CCDC60: variants seen among roughly 807,000 people sequenced by gnomAD.
CCDC60 encodes the protein coiled-coil domain containing 60, also known as coiled-coil domain-containing protein 60.
In CCDC60, 54 loss-of-function variants were observed where a neutral mutation model predicts 63.5. That is an observed-to-expected ratio of 0.85 (90% confidence interval 0.68 to 1.07). The LOEUF is 1.07. CCDC60 is among the 50% of genes least tolerant of loss of function. The pLI is 0.00. For missense variants in CCDC60, 651 were observed against 684.3 expected (o/e 0.95, Z 0.54); for synonymous variants, 206 against 238.8 (o/e 0.86, Z 1.27).
chr12:119,433,328 C>A, intron 2 of CCDC60: 1 of 688,136 alleles, frequency 1.5e-6, no homozygotes, highest in Non-Finnish European at 2.6e-6. Flanking sequence ...TCTGTCACTC[C>A]CAACAGACGC....
chr12:119,358,352 G>C (rs1955739261), intron 1 of CCDC60, among the ~76,000 whole-genome samples: 1 of 152,050 alleles, frequency 6.6e-6, no homozygotes, highest in African/African-American at 2.4e-5. Flanking sequence ...ATTATAAAAG[G>C]GTGAGTTTTG....
rs1427672116 is a variant in CCDC60 at position 119,373,664 on chromosome 12, G to C, written c.90+38398G>C. Among the ~76,000 whole-genome samples the C allele has an allele frequency of 1.1e-4, 10 of 87,540 alleles. No homozygotes were observed. The East Asian group carries it at 4.0e-3, about 35-fold the overall frequency. The allele number at this position is 87,540 out of a possible 152,430, so 57.4% of individuals were successfully genotyped here. On this transcript the variant is annotated intron_variant, in intron 1 of 13. Transcript: ENST00000327554. ...GGCAAGATACTTTCTCTCCGGGGTG[G>C]GGTGGGGGGGGGTCTCAGTTCCCTT...
intron 8 of CCDC60, among the ~76,000 whole-genome samples, chr12:119,519,423 GTGTGTGTGT>G: frequency 7.2e-6 from 1 of 139,484 alleles, no homozygotes. Context: ...GTGTGTGTGT[GTGTGTGTGT>G]GTGCGCGTGT....
chr12:119,352,423 T>C (rs1955665479), intron 1 of CCDC60, among the ~76,000 whole-genome samples: 1 of 152,230 alleles, frequency 6.6e-6, no homozygotes, highest in Non-Finnish European at 1.5e-5. Context: ...TGAGGACAAC[T>C]TTGTGAGGAA....
chr12:119,437,541 G>A (rs1238078042), intron 2 of CCDC60, among the ~76,000 whole-genome samples: 1 of 152,202 alleles, frequency 6.6e-6, no homozygotes, highest in Non-Finnish European at 1.5e-5. Flanking sequence ...GGGACCAGCA[G>A]GAGGAACAGA....
chr12:119,464,167 G>A (rs1304488998), intron 2 of CCDC60, among the ~76,000 whole-genome samples: 1 of 144,564 alleles, frequency 6.9e-6, no homozygotes, highest in Admixed American at 7.0e-5. Flanking sequence ...TGAAGTTCCT[G>A]GGGGTTGGAC....
intron 1 of CCDC60, among the ~76,000 whole-genome samples, chr12:119,382,758 G>A (rs1956021194): frequency 6.6e-6 from 1 of 152,194 alleles, no homozygotes; most frequent in Admixed American, 6.5e-5. Context: ...GTGAGGGGAG[G>A]CCATGGACGC....
chr12:119,504,061 C>T (rs1262676784), intron 6 of CCDC60, among the ~76,000 whole-genome samples: 3 of 152,118 alleles, frequency 2.0e-5, no homozygotes, highest in Non-Finnish European at 2.9e-5. Context: ...GTAAACCTGG[C>T]ATTTTAGATG....
At chr12:119,426,391 C>T (rs985638730) in intron 1 of CCDC60, among the ~76,000 whole-genome samples, 1 of 151,656 alleles carries the variant, frequency 6.6e-6, no homozygotes, top group Non-Finnish European at 1.5e-5. Context: ...GGGTCTCGCT[C>T]TGTCACCAGG....
intron 2 of CCDC60, among the ~76,000 whole-genome samples, chr12:119,446,596 A>G (rs1392669132): frequency 1.3e-5 from 2 of 152,138 alleles, no homozygotes; most frequent in African/African-American, 4.8e-5. Context: ...CAGGAAGAAA[A>G]AAAGGGAGAG....
chr12:119,428,986 A>C, intron 2 of CCDC60: 1 of 365,322 alleles, frequency 2.7e-6, no homozygotes, highest in African/African-American at 2.2e-5. Context: ...AGCCGCCTAG[A>C]ATTCCCTCTG....
intron 4 of CCDC60, among the ~76,000 whole-genome samples, chr12:119,481,391 T>C (rs1239052337): frequency 6.6e-6 from 1 of 152,092 alleles, no homozygotes; most frequent in Admixed American, 6.6e-5. Flanking sequence ...TGCATCTGAA[T>C]CGTCTGGGGG....
chr12:119,349,016 T>C (rs528000218), intron 1 of CCDC60, among the ~76,000 whole-genome samples: 4 of 152,346 alleles, frequency 2.6e-5, no homozygotes, highest in East Asian at 1.9e-4. Context: ...CCATGCAGTC[T>C]ACAGTGCTAA....
chr12:119,360,500 C>T (rs1470213170), intron 1 of CCDC60, among the ~76,000 whole-genome samples: 6 of 148,068 alleles, frequency 4.1e-5, no homozygotes, highest in Admixed American at 2.7e-4. Context: ...TCAGATGGGG[C>T]GGCTGCCGGG....
At position 119,496,183 on chromosome 12, in the gene CCDC60, C is replaced by T. The variant is rs184081404; in HGVS notation, c.558-3895C>T. Among the ~76,000 whole-genome samples the T allele has an allele frequency of 3.6e-3, 551 of 152,256 alleles. 4 individuals carry two copies. Among genetic ancestry groups the T allele is most frequent in the Non-Finnish European group, 3.0e-3 (207 of 68,016 alleles). ...CTGCTGCAGAATCAGCAGCTCTTCCCCTCCGTCATGGACATATGAGCACGT... is the reference window on the plus strand; with the variant it reads ...CTGCTGCAGAATCAGCAGCTCTTCCTCTCCGTCATGGACATATGAGCACGT... On this transcript the variant is annotated intron_variant, in intron 5 of 13. Coordinates refer to ENST00000327554, the MANE Select transcript of CCDC60 (RefSeq NM_178499.5).
At chr12:119,540,566 C>G in intron 13 of CCDC60, 48 bp from the exon 14 acceptor site, 1 of 1,361,904 alleles carries the variant, frequency 7.3e-7, no homozygotes, top group Non-Finnish European at 1.0e-6. Context: ...AAGGTGGAGT[C>G]TACTTTTCAG....
intron 1 of CCDC60, among the ~76,000 whole-genome samples, chr12:119,340,052 T>C (rs955938524): frequency 6.6e-6 from 1 of 152,210 alleles, no homozygotes. Flanking sequence ...TTTTATCTAA[T>C]CCAAGAAGCC....
intron 7 of CCDC60, among the ~76,000 whole-genome samples, chr12:119,506,032 A>G: frequency 6.6e-6 from 1 of 152,140 alleles, no homozygotes; most frequent in Non-Finnish European, 1.5e-5. Flanking sequence ...CATACCATAA[A>G]ATTCGCTTAT....
chr12:119,396,398 T>C (rs1449227565), intron 1 of CCDC60, among the ~76,000 whole-genome samples: 1 of 152,062 alleles, frequency 6.6e-6, no homozygotes, highest in Non-Finnish European at 1.5e-5. Flanking sequence ...CTCCAGATTG[T>C]ATAGAGGTGA....
Sources: gnomAD v4.1 joint callset for allele counts (sites outside exome capture counted in the v4.1 genomes callset) on GRCh38, gnomAD v4.1.1 for gene constraint, MANE v1.5 for transcripts, NCBI Gene and HGNC (gene_info 2026-07-23, HGNC 2026-07-21) for gene names.